The following KAZN variants were observed in gnomAD, a reference collection of about 807,000 sequenced individuals.
The protein encoded by KAZN is kazrin, periplakin interacting protein.
In KAZN, 40 loss-of-function variants were observed where a neutral mutation model predicts 87.4. That is an observed-to-expected ratio of 0.46 (90% CI 0.36 to 0.60). The LOEUF is 0.60. KAZN is among the 20% of genes least tolerant of loss of function. KAZN has a pLI of 0.00. For missense variants in KAZN, 898 were observed against 1,073.9 expected, an observed-to-expected ratio of 0.84 and a Z score of 2.29; for synonymous variants, 466 against 458.3, an observed-to-expected ratio of 1.02 and a Z score of -0.22.
At chr1:13,928,925 A>G (rs1184027643) in intron 1 of KAZN, among the ~76,000 whole-genome samples, 1 of 152,052 alleles carries the variant, frequency 6.6e-6, no homozygotes, top group African/African-American at 2.4e-5. Flanking sequence ...TTGTGTGCTC[A>G]AACAAGTTGT....
In KAZN at chr1:14,374,438, C is replaced by T. The variant is rs564342553; in HGVS notation, c.249+193846C>T. Reference sequence around the variant, plus strand: ...GCAAGCTGTTCAGATCCCCTTCAGGCAAGGATGAGGAGCTTCGGGAAAATA... The same window carrying T: ...GCAAGCTGTTCAGATCCCCTTCAGGTAAGGATGAGGAGCTTCGGGAAAATA... On this transcript the variant is annotated intron_variant, in intron 2 of 16. Transcript: ENST00000636203. Among the ~76,000 whole-genome samples the T allele has an allele frequency of 2.0e-5, 3 of 152,326 alleles. No individual in the cohort carries two copies. In the East Asian group the frequency reaches 5.8e-4, roughly 29 times the overall value.
intron 1 of KAZN, among the ~76,000 whole-genome samples, chr1:14,834,000 C>T (rs1647135337): frequency 6.7e-6 from 1 of 150,176 alleles, no homozygotes. Flanking sequence ...CACACACACA[C>T]ACACACACAT....
intron 1 of KAZN, among the ~76,000 whole-genome samples, chr1:14,668,427 C>G (rs2148730774): frequency 6.6e-6 from 1 of 152,006 alleles, no homozygotes; most frequent in East Asian, 1.9e-4. Context: ...AAGCTGAGGT[C>G]TAAAGGCACA....
At chr1:13,993,120 A>G (rs1490013076) in intron 1 of KAZN, among the ~76,000 whole-genome samples, 2 of 152,178 alleles carry the variant, frequency 1.3e-5, no homozygotes, top group Admixed American at 6.5e-5. Flanking sequence ...GTCGTATCAA[A>G]GTCAATGCAC....
chr1:14,727,658 G>T (rs991940689), intron 1 of KAZN, among the ~76,000 whole-genome samples: 2 of 151,228 alleles, frequency 1.3e-5, no homozygotes, highest in Non-Finnish European at 1.5e-5. Context: ...TAGAGACAGG[G>T]TTTCTCCATG....
At chr1:14,598,208 G>C (rs1246403377), upstream of KAZN, among the ~76,000 whole-genome samples, 18 of 152,130 alleles carry the variant, frequency 1.2e-4, no homozygotes, top group Admixed American at 1.2e-3. The surrounding 1 kb of genome is among the most constrained non-coding windows in gnomAD (Gnocchi z 4.2). Context: ...TGGAGAGTGA[G>C]AGGCACGCGG....
At chr1:14,649,021 G>T (rs1039217717) in intron 1 of KAZN, among the ~76,000 whole-genome samples, 24 of 152,216 alleles carry the variant, frequency 1.6e-4, no homozygotes, top group Non-Finnish European at 3.4e-4. Context: ...TTTACAGGAT[G>T]ATTTCCCAAA....
At position 14,166,226 on chromosome 1, in the gene KAZN, A is replaced by C. The variant is rs1645823991; in HGVS notation, c.92-14209A>C. 3.3e-5 allele frequency among the ~76,000 whole-genome samples: 5 copies of C among 152,310 alleles called. No homozygotes were observed. In the South Asian group the frequency reaches 1.0e-3, roughly 32 times the overall value. On this transcript the variant is annotated intron_variant, in intron 1 of 16. Transcript: ENST00000636203. ...GCTACCCAGGAGACTGAGGCAGGATAATTGCTGGAACCTGGGCGGCAGAGG... is the reference window on the plus strand; with the variant it reads ...GCTACCCAGGAGACTGAGGCAGGATCATTGCTGGAACCTGGGCGGCAGAGG...
chr1:14,064,898 G>GC (rs533903874), intron 1 of KAZN, among the ~76,000 whole-genome samples: 1 of 152,258 alleles, frequency 6.6e-6, no homozygotes, highest in East Asian at 1.9e-4. Flanking sequence ...AGGTCCAGTT[G>GC]CCCCCAGGAG....
chr1:14,894,721 CAGT>C (rs1419469323), intron 1 of KAZN, among the ~76,000 whole-genome samples: 2 of 152,250 alleles, frequency 1.3e-5, no homozygotes, highest in Admixed American at 6.5e-5. Flanking sequence ...ATTGGGTACA[CAGT>C]AGGTGCTGAG....
intron 1 of KAZN, among the ~76,000 whole-genome samples, chr1:14,750,441 G>A (rs1180305348): frequency 1.3e-5 from 2 of 152,072 alleles, no homozygotes; most frequent in Non-Finnish European, 2.9e-5. Flanking sequence ...CCTATTCCAG[G>A]TACGAACACT....
intron 2 of KAZN, among the ~76,000 whole-genome samples, chr1:14,989,189 A>G (rs572648760): frequency 7.4e-4 from 112 of 152,254 alleles, no homozygotes; most frequent in African/African-American, 2.2e-3. Context: ...ACTTTAGAAA[A>G]TGGCAGCTGG....
chr1:14,976,122 A>G (rs1665595806), intron 2 of KAZN, among the ~76,000 whole-genome samples: 2 of 130,804 alleles, frequency 1.5e-5, no homozygotes, highest in African/African-American at 6.0e-5. Context: ...GCACACTGCG[A>G]GCCTGTTGCT....
chr1:13,956,476 C>T (rs1241611308), intron 1 of KAZN, among the ~76,000 whole-genome samples: 2 of 151,714 alleles, frequency 1.3e-5, no homozygotes, highest in Non-Finnish European at 2.9e-5. Flanking sequence ...CCTCCAATTC[C>T]CTGCCAGCTC....
chr1:13,941,023 G>A (rs923720978), intron 1 of KAZN, among the ~76,000 whole-genome samples: 1 of 151,880 alleles, frequency 6.6e-6, no homozygotes, highest in African/African-American at 2.4e-5. Context: ...GGTGAAACTC[G>A]TTTTTACTAA....
chr1:13,996,051 GC>G (rs1312120704), intron 1 of KAZN, among the ~76,000 whole-genome samples: 1 of 147,706 alleles, frequency 6.8e-6, no homozygotes, highest in Non-Finnish European at 1.5e-5. Flanking sequence ...GGACTAGGAG[GC>G]TGGCCTGATC....
intron 1 of KAZN, among the ~76,000 whole-genome samples, chr1:14,050,219 TG>T (rs1305967210): frequency 2.6e-5 from 4 of 151,858 alleles, no homozygotes; most frequent in African/African-American, 9.7e-5. Context: ...TGGGCATGCA[TG>T]TGCACATGTA....
chr1:13,984,750 A>T (rs544650850), intron 1 of KAZN, among the ~76,000 whole-genome samples: 1 of 152,362 alleles, frequency 6.6e-6, no homozygotes, highest in African/African-American at 2.4e-5. Context: ...CATGGCATAT[A>T]AGTGTGCAAT....
intron 1 of KAZN, among the ~76,000 whole-genome samples, chr1:14,638,145 T>G (rs1680135021): frequency 6.6e-6 from 1 of 152,224 alleles, no homozygotes; most frequent in Admixed American, 6.5e-5. Context: ...TCATCCAGGA[T>G]GGCCTCGTCT....
Sources: allele counts gnomAD v4.1 joint callset (sites outside exome capture counted in the v4.1 genomes callset), GRCh38; gene constraint gnomAD v4.1.1; non-coding constraint Gnocchi (gnomAD v3.1); transcripts MANE v1.5; gene names NCBI Gene and HGNC (gene_info 2026-07-23, HGNC 2026-07-21).